CTBP2: variants seen among roughly 807,000 people sequenced by gnomAD.
CTBP2 encodes C-terminal binding protein 2.
CTBP2 carries 30 observed loss-of-function variants against 80.3 expected under a neutral mutation model. That is an observed-to-expected ratio of 0.37 (90% CI 0.28 to 0.51). The LOEUF is 0.51. Ranked by LOEUF, CTBP2 falls within the 20% of genes least tolerant of loss-of-function variation. The pLI, the probability that CTBP2 is intolerant of heterozygous loss-of-function variation, is 0.93. For synonymous variants in CTBP2, 594 were observed against 587.4 expected (o/e 1.01, Z -0.16); for missense variants, 1,212 against 1,375.3 (o/e 0.88, Z 1.88).
At chr10:125,090,854 G>A (rs1403353175) in intron 2 of CTBP2, among the ~76,000 whole-genome samples, 2 of 152,130 alleles carry the variant, frequency 1.3e-5, no homozygotes, top group Non-Finnish European at 2.9e-5. Context: ...AAGTGCTTAC[G>A]TCTCCAAGCA....
chr10:125,104,593 G>C lies in CTBP2; in HGVS notation c.-102+6397C>G, dbSNP rs1016216868. Among the ~76,000 whole-genome samples, 8 of 152,130 alleles carry C rather than the reference G, an allele frequency of 5.3e-5. No individual in the cohort carries two copies. In the East Asian group the frequency reaches 1.4e-3, roughly 26 times the overall value. On this transcript the variant is annotated intron_variant, in intron 2 of 10. Transcript: ENST00000337195. ...CTTACACAGGAGTCCACTCACGGAGGCTACTCGCATGTATTACCCGTGTGC... is the reference window on the plus strand; with the variant it reads ...CTTACACAGGAGTCCACTCACGGAGCCTACTCGCATGTATTACCCGTGTGC...
At chr10:125,084,445 T>C (rs1847666786) in intron 2 of CTBP2, among the ~76,000 whole-genome samples, 1 of 152,124 alleles carries the variant, frequency 6.6e-6, no homozygotes, top group South Asian at 2.1e-4. Context: ...CCTCTGTGCC[T>C]ACCCCAGGAG....
rs148263679 is a variant in CTBP2 at position 125,046,308 on chromosome 10, G to A, written c.-101-7153C>T. On this transcript the variant is annotated intron_variant, in intron 2 of 10. Coordinates refer to the CTBP2 transcript ENST00000337195. ...TCCTAGCACACTGGGAGGCCAAGGA[G>A]GGTGGATCACATGAGGTCAGAAGTT... Among the ~76,000 whole-genome samples the A allele has an allele frequency of 1.6e-3, 251 of 152,256 alleles. 1 individual carries two copies. The highest frequency in any genetic ancestry group is 5.8e-3 in the African/African-American group (239 of 41,552).
At chr10:125,031,597 G>A (rs1452106493), upstream of CTBP2, among the ~76,000 whole-genome samples, 1 of 151,186 alleles carries the variant, frequency 6.6e-6, no homozygotes, top group Non-Finnish European at 1.5e-5. Flanking sequence ...TAACGCAAAG[G>A]GTGGGAGGCC....
chr10:125,149,978 C>G (rs1479960483), intron 1 of CTBP2, among the ~76,000 whole-genome samples: 1 of 152,232 alleles, frequency 6.6e-6, no homozygotes, highest in African/African-American at 2.4e-5. Context: ...GGGAGCGACC[C>G]AAAGGAAGTT....
chr10:124,993,359 C>T (rs1008740824), intron 6 of CTBP2, 30 bp from the exon 9 acceptor site: 18 of 1,594,038 alleles, frequency 1.1e-5, no homozygotes, highest in Non-Finnish European at 1.5e-5. Flanking sequence ...ACAGAGTAAG[C>T]GGGAAATGTC....
At chr10:125,015,276 C>T (rs570557436) in intron 1 of CTBP2, among the ~76,000 whole-genome samples, 2 of 152,374 alleles carry the variant, frequency 1.3e-5, no homozygotes, top group South Asian at 4.1e-4. Flanking sequence ...AAAAACTAGT[C>T]ATCCCCACCC....
At chr10:125,142,942 C>A (rs186194551) in intron 1 of CTBP2, among the ~76,000 whole-genome samples, 2 of 152,198 alleles carry the variant, frequency 1.3e-5, no homozygotes, top group African/African-American at 4.8e-5. Context: ...TGAAAGGACA[C>A]GCGAGCTTGA....
chr10:125,027,251 C>T lies in CTBP2; in HGVS notation c.509G>A (p.Gly170Asp), dbSNP rs149702981. The T allele has an allele frequency of 2.9e-5, 47 of 1,613,558 alleles. No individual in the cohort carries two copies. The African/African-American group carries it at 6.3e-4, about 22-fold the overall frequency. The change falls in exon 1 of 9, where the codon GGT becomes GAT. Residue 170 changes from glycine (G) to aspartate (D), a missense_variant. Around this residue, in one of 3 missense-constraint regions of CTBP2, gnomAD observed 848 missense variants for 782.3 expected, o/e 1.08. Coordinates refer to ENST00000309035, the MANE Select transcript of CTBP2 (RefSeq NM_022802.3). ...CTGCCGCCCCTGAGGGATCATTTTACCTCCAGGATCCCGGTACAGGTGACC... is the reference window on the plus strand; with the variant it reads ...CTGCCGCCCCTGAGGGATCATTTTATCTCCAGGATCCCGGTACAGGTGACC...
chr10:125,030,328 T>TTG (rs1434683911), upstream of CTBP2, among the ~76,000 whole-genome samples: 2 of 152,234 alleles, frequency 1.3e-5, no homozygotes, highest in Admixed American at 1.3e-4. Flanking sequence ...AATAAGATGA[T>TTG]TGTGTAACAT....
intron 1 of CTBP2, among the ~76,000 whole-genome samples, chr10:125,124,665 CAAACAA>C (rs1257371059): frequency 6.6e-6 from 1 of 152,124 alleles, no homozygotes; most frequent in Non-Finnish European, 1.5e-5. Context: ...CTCTTCCACA[CAAACAA>C]AAATTATATT....
At chr10:125,089,369 T>C (rs184607023) in intron 2 of CTBP2, among the ~76,000 whole-genome samples, 101 of 152,292 alleles carry the variant, frequency 6.6e-4, no homozygotes, top group Admixed American at 1.9e-3. Flanking sequence ...TGAAATTATT[T>C]TGTGAAAGAG....
chr10:125,151,186 C>T (rs772501931), intron 1 of CTBP2, among the ~76,000 whole-genome samples: 4 of 152,116 alleles, frequency 2.6e-5, no homozygotes, highest in Non-Finnish European at 5.9e-5. Flanking sequence ...GTCTGCAAAA[C>T]ATAGAGGCGA....
At chr10:125,059,825 G>A (rs1002327690) in intron 2 of CTBP2, among the ~76,000 whole-genome samples, 11 of 152,208 alleles carry the variant, frequency 7.2e-5, no homozygotes, top group East Asian at 5.8e-4. Context: ...GCTTGTCAGC[G>A]TTTGTCTGGA....
rs1054129358 is a variant in CTBP2, at chr10:124,986,135, A to T, written c.*3383T>A. ...TTAGGTAGAAAAACTTTTTTATAAG[A>T]AGTATTATTTGACCACTTCAGGTAT... On this transcript the variant is annotated 3_prime_UTR_variant, in exon 9 of 9. Coordinates refer to ENST00000309035, the MANE Select transcript of CTBP2 (RefSeq NM_022802.3). 1 of 152,604 alleles carries T rather than the reference A, an allele frequency of 6.6e-6. No individual in the cohort carries two copies. Among genetic ancestry groups the T allele is most frequent in the Non-Finnish European group, 1.5e-5 (1 of 68,040 alleles). The allele number at this position is 152,604 out of a possible 1,614,324, so 9.5% of individuals were successfully genotyped here. A position where few individuals can be genotyped will look rare whatever the true frequency, so the allele number is the denominator to read the frequency against.
chr10:124,995,659 A>G (rs1953383208), intron 4 of CTBP2, among the ~76,000 whole-genome samples: 1 of 152,210 alleles, frequency 6.6e-6, no homozygotes, highest in Non-Finnish European at 1.5e-5. Flanking sequence ...AGTTTAGAAC[A>G]AAGGTTGAAT....
chr10:125,096,950 G>A lies in CTBP2; in HGVS notation c.-102+14040C>T, dbSNP rs562948898. 5.3e-5 allele frequency among the ~76,000 whole-genome samples: 8 copies of A among 152,282 alleles called. No individual in the cohort carries two copies. The South Asian group carries it at 1.7e-3, about 32-fold the overall frequency. The stretch of plus-strand genomic sequence containing the variant: ...ATCAACTAAGTCCAAACATTTTAGA[G>A]TGTATCTGTAATGAAAAAATAGCTC... On this transcript the variant is annotated intron_variant, in intron 2 of 10. Coordinates refer to the CTBP2 transcript ENST00000337195.
chr10:125,091,245 G>T (rs1308215591), intron 2 of CTBP2, among the ~76,000 whole-genome samples: 1 of 152,218 alleles, frequency 6.6e-6, no homozygotes, highest in Non-Finnish European at 1.5e-5. Flanking sequence ...CATATCGAAT[G>T]GGAATGCAGG....
intron 1 of CTBP2, among the ~76,000 whole-genome samples, chr10:125,012,318 C>T (rs939247043): frequency 6.6e-6 from 1 of 152,192 alleles, no homozygotes; most frequent in Non-Finnish European, 1.5e-5. Flanking sequence ...TGAGGCTCTG[C>T]GACATACCCT....
Sources: gnomAD v4.1 joint callset for allele counts (sites outside exome capture counted in the v4.1 genomes callset) on GRCh38, gnomAD v4.1.1 for gene constraint, gnomAD v4.1.1 regional missense constraint, MANE v1.5 for transcripts, NCBI Gene and HGNC (gene_info 2026-07-23, HGNC 2026-07-21) for gene names.